Variants in UNC5D observed in about 807,000 individuals in gnomAD.
UNC5D encodes the protein netrin receptor UNC5D.
A neutral mutation model predicts 105.4 loss-of-function variants in UNC5D; 39 were observed. The observed-to-expected ratio is 0.37, with a 90% CI of 0.29 to 0.48. UNC5D has a LOEUF of 0.48. Among genes scored for constraint, UNC5D ranks in the 20% least tolerant of loss-of-function variants. The pLI, the probability that UNC5D is intolerant of heterozygous loss-of-function variation, is 0.98. For missense variants in UNC5D, 991 were observed against 1,202.4 expected, an observed-to-expected ratio of 0.82 and a Z score of 2.60; for synonymous variants, 452 against 450.4, an observed-to-expected ratio of 1.00 and a Z score of -0.04.
At chr8:35,558,121 C>T (rs563127802) in intron 2 of UNC5D, among the ~76,000 whole-genome samples, 31 of 113,444 alleles carry the variant, frequency 2.7e-4, no homozygotes, top group Admixed American at 7.4e-4. Context: ...AGTGAAACTT[C>T]GTCTCAAAAA....
intron 1 of UNC5D, among the ~76,000 whole-genome samples, chr8:35,512,364 A>G (rs755840242): frequency 2.0e-5 from 3 of 149,202 alleles, no homozygotes; most frequent in Admixed American, 1.3e-4. Context: ...TCTACAAGAC[A>G]TTATAAAATT....
At chr8:35,278,491 G>T (rs1805925584) in intron 1 of UNC5D, among the ~76,000 whole-genome samples, 1 of 152,062 alleles carries the variant, frequency 6.6e-6, no homozygotes. Flanking sequence ...GTGGATATTT[G>T]AATTGGGGGA....
At chr8:35,599,926 AT>A (rs1819741786) in intron 4 of UNC5D, among the ~76,000 whole-genome samples, 1 of 152,160 alleles carries the variant, frequency 6.6e-6, no homozygotes, top group African/African-American at 2.4e-5. Flanking sequence ...AGCATTAGGT[AT>A]ATCTCCTAAT....
chr8:35,660,899 C>T lies in UNC5D; in HGVS notation c.571-22648C>T, dbSNP rs551480602. Among the ~76,000 whole-genome samples the T allele has an allele frequency of 6.6e-5, 10 of 152,198 alleles. No homozygotes were observed. The South Asian group carries it at 1.9e-3, about 28-fold the overall frequency. On this transcript the variant is annotated intron_variant, in intron 4 of 16. Coordinates refer to ENST00000404895, the MANE Select transcript of UNC5D (RefSeq NM_080872.4). Reference sequence around the variant, plus strand: ...CAGACTCCAAGAGATCAAGACCAGCCTGGGTAACATAGTGAGACCCCTTCT... The same window carrying T: ...CAGACTCCAAGAGATCAAGACCAGCTTGGGTAACATAGTGAGACCCCTTCT...
At chr8:35,653,066 A>C (rs920525305) in intron 4 of UNC5D, among the ~76,000 whole-genome samples, 9 of 151,786 alleles carry the variant, frequency 5.9e-5, no homozygotes, top group Non-Finnish European at 1.3e-4. Context: ...CGTAGCTGGG[A>C]ATACAGGCAC....
At chr8:35,724,312 C>A in intron 9 of UNC5D, 1 of 1,534,984 alleles carries the variant, frequency 6.5e-7, no homozygotes, top group South Asian at 1.2e-5. Flanking sequence ...ACTCTCCCTG[C>A]ATTTATTATG....
At chr8:35,778,771 G>A (rs1210141438) in intron 16 of UNC5D, among the ~76,000 whole-genome samples, 1 of 152,216 alleles carries the variant, frequency 6.6e-6, no homozygotes, top group East Asian at 1.9e-4. Flanking sequence ...TTTATTGCCA[G>A]TGAAAATGTT....
chr8:35,637,484 C>T (rs1240524588), intron 4 of UNC5D, among the ~76,000 whole-genome samples: 1 of 152,064 alleles, frequency 6.6e-6, no homozygotes, highest in African/African-American at 2.4e-5. Context: ...GAGAGAAAGC[C>T]AGTCATAATG....
chr8:35,627,651 G>A (rs1821768684), intron 4 of UNC5D, among the ~76,000 whole-genome samples: 1 of 152,150 alleles, frequency 6.6e-6, no homozygotes, highest in South Asian at 2.1e-4. Flanking sequence ...AAACTTGACT[G>A]GGCGCGGTGG....
intron 1 of UNC5D, among the ~76,000 whole-genome samples, chr8:35,490,294 G>C (rs1048171904): frequency 1.3e-5 from 2 of 152,120 alleles, no homozygotes; most frequent in African/African-American, 4.8e-5. Context: ...CTTGAGGCCA[G>C]GAATTCGAGA....
chr8:35,271,324 C>G (rs114207847), intron 1 of UNC5D, among the ~76,000 whole-genome samples: 1 of 106,062 alleles, frequency 9.4e-6, no homozygotes, highest in Non-Finnish European at 2.0e-5. Context: ...TATGTATATG[C>G]ATACACACGT....
intron 11 of UNC5D, among the ~76,000 whole-genome samples, chr8:35,742,353 T>A (rs752828040): frequency 6.6e-6 from 1 of 152,168 alleles, no homozygotes; most frequent in Non-Finnish European, 1.5e-5. Flanking sequence ...AGGATCTTAA[T>A]GAAAAATGAA....
At chr8:35,632,043 A>G (rs1340600632) in intron 4 of UNC5D, among the ~76,000 whole-genome samples, 1 of 152,206 alleles carries the variant, frequency 6.6e-6, no homozygotes, top group African/African-American at 2.4e-5. Flanking sequence ...CAACAGGCTC[A>G]TCACAAAGCC....
chr8:35,243,735 T>C (rs1019998142), intron 1 of UNC5D, among the ~76,000 whole-genome samples: 1 of 152,166 alleles, frequency 6.6e-6, no homozygotes, highest in Non-Finnish European at 1.5e-5. Context: ...TATCCCAACA[T>C]GGTGTGGAGG....
chr8:35,716,893 A>G (rs1392449673), intron 8 of UNC5D, among the ~76,000 whole-genome samples: 1 of 152,210 alleles, frequency 6.6e-6, no homozygotes, highest in South Asian at 2.1e-4. Flanking sequence ...TTTAACAATA[A>G]CTTCTGTTTC....
intron 1 of UNC5D, among the ~76,000 whole-genome samples, chr8:35,345,272 A>G (rs1218014257): frequency 6.6e-6 from 1 of 151,998 alleles, no homozygotes; most frequent in Non-Finnish European, 1.5e-5. Context: ...ATTTTCTTCT[A>G]GAATTTTCCA....
chr8:35,652,797 T>G (rs895840724), intron 4 of UNC5D, among the ~76,000 whole-genome samples: 3 of 151,946 alleles, frequency 2.0e-5, no homozygotes, highest in Non-Finnish European at 2.9e-5. Context: ...GACTTCTCTC[T>G]CTGTCTCTGG....
At chr8:35,255,183 G>C (rs1294387675) in intron 1 of UNC5D, 1 of 152,090 alleles carries the variant, frequency 6.6e-6, no homozygotes, top group Non-Finnish European at 1.5e-5. Context: ...CTCTAGCGTT[G>C]CTCTTCTTAT....
chr8:35,248,666 A>G (rs1244834303), intron 1 of UNC5D, among the ~76,000 whole-genome samples: 1 of 99,994 alleles, frequency 1.0e-5, no homozygotes, highest in East Asian at 3.0e-4. Flanking sequence ...AAATATAAAT[A>G]TATGTTATAT....
Sources: allele counts gnomAD v4.1 joint callset (sites outside exome capture counted in the v4.1 genomes callset), GRCh38; gene constraint gnomAD v4.1.1; transcripts MANE v1.5; gene names NCBI Gene and HGNC (gene_info 2026-07-23, HGNC 2026-07-21).